Variants in ICA1 observed in about 807,000 individuals in gnomAD.
ICA1 encodes 69 kDa islet cell autoantigen.
A neutral mutation model predicts 71.0 loss-of-function variants in ICA1; 40 were observed. The observed-to-expected ratio is 0.56, with a 90% CI of 0.44 to 0.73. The LOEUF (loss-of-function observed/expected upper bound fraction) is 0.73. ICA1 is among the 30% of genes least tolerant of loss of function. The pLI is 0.00. For missense variants in ICA1, 578 were observed against 576.5 expected (o/e 1.00, Z -0.03); for synonymous variants, 207 against 209.5 (o/e 0.99, Z 0.10).
At chr7:8,167,371 G>C (rs1219983675) in intron 6 of ICA1, among the ~76,000 whole-genome samples, 1 of 152,174 alleles carries the variant, frequency 6.6e-6, no homozygotes, top group South Asian at 2.1e-4. Context: ...ACTAACACAG[G>C]AACAGAAAAA....
chr7:8,162,938 A>G (rs1169147315), intron 6 of ICA1, among the ~76,000 whole-genome samples: 2 of 152,020 alleles, frequency 1.3e-5, no homozygotes, highest in African/African-American at 4.8e-5. Flanking sequence ...TAATTTTTGT[A>G]TTTTTAGTAG....
chr7:8,246,439 T>C (rs1226768969), intron 1 of ICA1, among the ~76,000 whole-genome samples: 3 of 152,156 alleles, frequency 2.0e-5, no homozygotes, highest in Admixed American at 1.3e-4. Flanking sequence ...GGCAGAAATA[T>C]AGGTGAAGGA....
At position 8,178,829 on chromosome 7, in the gene ICA1, T is replaced by C. The variant is rs3823834; in HGVS notation, c.580-20177A>G. Among the ~76,000 whole-genome samples, 3 of 152,334 alleles carry C rather than the reference T, an allele frequency of 2.0e-5. No individual in the cohort carries two copies. The East Asian group carries it at 5.8e-4, about 29-fold the overall frequency. Reference sequence around the variant, plus strand: ...ATCCAGTAACGCTTGGTGTCAGTGATGGCTCCTTTTGTCATCATAGGCCTG... The same window carrying C: ...ATCCAGTAACGCTTGGTGTCAGTGACGGCTCCTTTTGTCATCATAGGCCTG... On this transcript the variant is annotated intron_variant, in intron 6 of 13. Coordinates refer to ENST00000402384, the MANE Select transcript of ICA1 (RefSeq NM_001136020.3).
chr7:8,192,738 CTCCTTTG>C lies in ICA1; in HGVS notation c.579+25560_579+25566del, dbSNP rs1455447293. 1.0e-4 allele frequency among the ~76,000 whole-genome samples: 12 copies of C among 118,780 alleles called. No homozygotes were observed. The Middle Eastern group carries it at 0.014, about 136-fold the overall frequency. The allele number at this position is 118,780 out of a possible 152,430, so 77.9% of individuals were successfully genotyped here. A position where few individuals can be genotyped will look rare whatever the true frequency, so the allele number is the denominator to read the frequency against. On this transcript the variant is annotated intron_variant, in intron 6 of 13. Coordinates refer to ENST00000402384, the MANE Select transcript of ICA1 (RefSeq NM_001136020.3). ...TGGTTGGCTTTCTACTTTATTTGTT[CTCCTTTG>C]TTTGTTTATATCAAAGTAGCTCATG...
rs76647736 is a variant in ICA1 at position 8,238,020 on chromosome 7, T to A, written c.-79-2015A>T. On this transcript the variant is annotated intron_variant, in intron 1 of 13. Transcript: ENST00000402384. ...GATATACACAGGTCCAGAATAACAC[T>A]GTTTCATAATAATATTGATAAGAAA... Among the ~76,000 whole-genome samples the A allele has an allele frequency of 1.8e-3, 271 of 152,300 alleles. 2 individuals are homozygous for A. In the East Asian group the frequency reaches 0.048, roughly 27 times the overall value.
chr7:8,141,432 C>T (rs79018985), intron 10 of ICA1, among the ~76,000 whole-genome samples: 5,101 of 152,284 alleles, frequency 0.033, 125 homozygotes, highest in Middle Eastern at 0.061. Context: ...AAACTAGAAC[C>T]AGTCAGGGTC....
At chr7:8,181,781 T>G (rs1282971775) in intron 6 of ICA1, among the ~76,000 whole-genome samples, 1 of 152,188 alleles carries the variant, frequency 6.6e-6, no homozygotes, top group African/African-American at 2.4e-5. Context: ...GAGGCATGAA[T>G]AGTATTCACA....
At position 8,132,740 on chromosome 7, in the gene ICA1, C is replaced by T. The variant is rs933472894; in HGVS notation, c.1061-4598G>A. ...TTCATCCCAAACCATCATACCTTCCCTACATTCTCTATAGAAGATCTTTTC... is the reference window on the plus strand; with the variant it reads ...TTCATCCCAAACCATCATACCTTCCTTACATTCTCTATAGAAGATCTTTTC... On this transcript the variant is annotated intron_variant, in intron 12 of 13. Coordinates refer to ENST00000402384, the MANE Select transcript of ICA1 (RefSeq NM_001136020.3). This position sits in a 1 kb window ranked among gnomAD's most constrained non-coding sequence, Gnocchi z 4.5. Among the ~76,000 whole-genome samples, 1 of 152,226 alleles carries T rather than the reference C, an allele frequency of 6.6e-6. No individual in the cohort carries two copies. The highest frequency in any genetic ancestry group is 6.5e-5 in the Admixed American group (1 of 15,286).
chr7:8,251,598 T>A (rs1418664240), intron 1 of ICA1, among the ~76,000 whole-genome samples: 1 of 151,866 alleles, frequency 6.6e-6, no homozygotes, highest in East Asian at 1.9e-4. Context: ...AGAGATGACT[T>A]GTCCAAGATC....
rs571469554 is a variant in ICA1 at position 8,247,859 on chromosome 7, T to C, written c.-79-11854A>G. Among the ~76,000 whole-genome samples the C allele has an allele frequency of 1.7e-3, 253 of 152,334 alleles. 2 individuals carry two copies. Among genetic ancestry groups the C allele is most frequent in the African/African-American group, 5.5e-3 (230 of 41,586 alleles). On this transcript the variant is annotated intron_variant, in intron 1 of 13. Transcript: ENST00000402384. ...AATCTAAAATTCTTGAGCCAATCCT[T>C]GTTCAGAGTAAAGCTAAGATCAGTA...
intron 13 of ICA1, 31 bp downstream of exon 13, chr7:8,127,839 CAAA>C: frequency 6.5e-7 from 1 of 1,548,184 alleles, no homozygotes; most frequent in Non-Finnish European, 8.7e-7. Context: ...AATGAACAAA[CAAA>C]AAACCCCATT....
At chr7:8,208,302 T>A (rs190675974) in intron 6 of ICA1, among the ~76,000 whole-genome samples, 1 of 152,332 alleles carries the variant, frequency 6.6e-6, no homozygotes, top group Admixed American at 6.5e-5. Context: ...CAACTTACAG[T>A]ACTATAACGC....
Position 8,153,836 on chromosome 7 carries a change from A to AATATATATAT in ICA1, c.804+3270_804+3279dup, listed in dbSNP as rs33924786. Among the ~76,000 whole-genome samples the AATATATATAT allele has an allele frequency of 2.0e-3, 275 of 137,176 alleles. 1 individual carries two copies. The highest frequency in any genetic ancestry group is 3.2e-3 in the African/African-American group (122 of 37,574). 90.0% of individuals were successfully genotyped at this position (137,176 alleles called of 152,430 possible). A position where few individuals can be genotyped will look rare whatever the true frequency, so the allele number is the denominator to read the frequency against. ...AATATATTAATTACAACTCATGCAG[A>AATATATATAT]ATATATATATATATATATATATGTA... On this transcript the variant is annotated intron_variant, in intron 8 of 13. Coordinates refer to ENST00000402384, the MANE Select transcript of ICA1 (RefSeq NM_001136020.3).
At chr7:8,149,918 T>A (rs1798230980) in intron 8 of ICA1, among the ~76,000 whole-genome samples, 1 of 152,208 alleles carries the variant, frequency 6.6e-6, no homozygotes, top group Non-Finnish European at 1.5e-5. Context: ...ACTGGCCACA[T>A]AATTCATGGA....
chr7:8,242,888 G>C (rs956742706), intron 1 of ICA1, among the ~76,000 whole-genome samples: 1 of 152,148 alleles, frequency 6.6e-6, no homozygotes, highest in Non-Finnish European at 1.5e-5. Flanking sequence ...TCTCTGAATA[G>C]ACCAATAACA....
intron 12 of ICA1, among the ~76,000 whole-genome samples, chr7:8,131,011 G>A (rs528085846): frequency 2.6e-5 from 4 of 152,256 alleles, no homozygotes; most frequent in African/African-American, 9.6e-5. Context: ...GATGAGGCTG[G>A]CCAGAGTCCT....
chr7:8,261,303 A>G (rs3807802), intron 1 of ICA1, among the ~76,000 whole-genome samples: 98,906 of 152,018 alleles, frequency 0.65, 33,306 homozygotes, highest in African/African-American at 0.83. Context: ...ACAAGTAAAA[A>G]GACAGTGGGA....
In ICA1 at chr7:8,186,164, AG is replaced by A. The variant is rs34168719; in HGVS notation, c.580-27513del. Among the ~76,000 whole-genome samples the A allele has an allele frequency of 4.9e-3, 754 of 152,348 alleles. 3 individuals carry two copies. Among genetic ancestry groups the A allele is most frequent in the African/African-American group, 0.017 (695 of 41,584 alleles). On this transcript the variant is annotated intron_variant, in intron 6 of 13. Coordinates refer to ENST00000402384, the MANE Select transcript of ICA1 (RefSeq NM_001136020.3). ...ATCAAGCGACAGCAATTCAGATGAA[AG>A]GAACAGGGGGAGGAGACAGGGAATC...
At position 8,235,929 on chromosome 7, in the gene ICA1, TTTC is replaced by T. The variant is rs777749534; in HGVS notation, c.-6_-4del. 27 of 1,613,114 alleles carry T rather than the reference TTTC, an allele frequency of 1.7e-5. No individual in the cohort carries two copies. Among genetic ancestry groups the T allele is most frequent in the Middle Eastern group, 1.7e-4 (1 of 5,982 alleles). ...ACTTACCATTTGTGTCCTGACATGT[TTTC>T]TTCTTCTTCTATTGTTGATGATTTG... On this transcript the variant is annotated 5_prime_UTR_variant, in exon 2 of 14. Transcript: ENST00000402384.
Sources: gnomAD v4.1 joint callset for allele counts (sites outside exome capture counted in the v4.1 genomes callset) on GRCh38, gnomAD v4.1.1 for gene constraint, Gnocchi (gnomAD v3.1) non-coding constraint, MANE v1.5 for transcripts, NCBI Gene and HGNC (gene_info 2026-07-23, HGNC 2026-07-21) for gene names.